LRRFIP2: variants seen among roughly 807,000 people sequenced by gnomAD.
LRRFIP2 encodes the protein leucine-rich repeat flightless-interacting protein 2.
A neutral mutation model predicts 125.9 loss-of-function variants in LRRFIP2; 109 were observed. The observed-to-expected ratio is 0.87, with a 90% CI of 0.74 to 1.01. LRRFIP2 has a LOEUF of 1.01. Among genes scored for constraint, LRRFIP2 ranks in the 50% least tolerant of loss-of-function variants. LRRFIP2 has a pLI of 0.00. For missense variants in LRRFIP2, 850 were observed against 862.3 expected (o/e 0.99, Z 0.18); for synonymous variants, 291 against 293.1 (o/e 0.99, Z 0.07).
At chr3:37,158,981 C>A (rs2096268601) in intron 1 of LRRFIP2, among the ~76,000 whole-genome samples, 1 of 152,112 alleles carries the variant, frequency 6.6e-6, no homozygotes, top group African/African-American at 2.4e-5. Context: ...CTCTGAAGCA[C>A]AAAAGTTTTT....
rs984879027 is a variant in LRRFIP2 at position 37,054,022 on chromosome 3, A to G, written c.2056-61T>C. 1.8e-5 allele frequency: 18 copies of G among 988,620 alleles called. No individual in the cohort carries two copies. The South Asian group carries it at 1.9e-4, about 11-fold the overall frequency. 61.2% of individuals were successfully genotyped at this position (988,620 alleles called of 1,614,324 possible). On this transcript the variant is annotated intron_variant, in intron 27 of 27. Coordinates refer to ENST00000336686, the MANE Select transcript of LRRFIP2 (RefSeq NM_006309.4). ...CAGAAACAACATCCAGTGCTACTCTATTTTCAACTTCCTGGGAAATGAAAG... is the reference window on the plus strand; with the variant it reads ...CAGAAACAACATCCAGTGCTACTCTGTTTTCAACTTCCTGGGAAATGAAAG...
intron 1 of LRRFIP2, among the ~76,000 whole-genome samples, chr3:37,166,668 G>A (rs1014700071): frequency 1.3e-5 from 2 of 151,680 alleles, no homozygotes; most frequent in Non-Finnish European, 2.9e-5. Context: ...GACCAGCCTG[G>A]ACGTTGCTTG....
rs2090954364 is a variant in LRRFIP2, at chr3:37,070,342, G to C, written c.1464+2448C>G. Among the ~76,000 whole-genome samples, 3 of 151,442 alleles carry C rather than the reference G, an allele frequency of 2.0e-5. No individual in the cohort carries two copies. In the South Asian group the frequency reaches 6.3e-4, roughly 32 times the overall value. On this transcript the variant is annotated intron_variant, in intron 21 of 27. Transcript: ENST00000336686. The stretch of plus-strand genomic sequence containing the variant: ...TTGGTCAGGCTGGTCTCGAACTCTT[G>C]ACCTCAAGGGATCCACCCTCTTTGG...
At position 37,121,653 on chromosome 3, in the gene LRRFIP2, A is replaced by T; in HGVS notation, c.267T>A (p.Ser89Arg). 6.2e-7 allele frequency: 1 copy of T among 1,614,212 alleles called. No homozygotes were observed. Among genetic ancestry groups the T allele is most frequent in the Non-Finnish European group, 8.5e-7 (1 of 1,180,030 alleles). ...SERARYSHRSSHHRPYLGVED... is the reference protein window; with the variant it reads ...SERARYSHRSRHHRPYLGVED... ...TACAAACCAGATAAGGACGATGGTG[A>T]CTGGACCGGTGGGAATACCTGGCCC... Residue 89 changes from serine to arginine, a missense_variant, in exon 5 of 28, where the codon AGT becomes AGA. Ser to Arg is a moderately radical substitution (Grantham distance 110, BLOSUM62 -1). Coordinates refer to ENST00000336686, the MANE Select transcript of LRRFIP2 (RefSeq NM_006309.4).
intron 27 of LRRFIP2, 87 bp from the exon 28 acceptor site, chr3:37,054,048 CA>C: frequency 1.2e-6 from 1 of 841,826 alleles, no homozygotes; most frequent in Non-Finnish European, 2.1e-6. Context: ...GAAATGAAAG[CA>C]CTGCTAACTG....
intron 18 of LRRFIP2, 129 bp from the exon 19 acceptor site, chr3:37,083,935 A>C (rs2092840688): frequency 1.5e-6 from 1 of 646,976 alleles, no homozygotes; most frequent in South Asian, 2.2e-5. Flanking sequence ...CGGTTTGGGG[A>C]ACTCCTTGTT....
chr3:37,109,835 G>A, intron 9 of LRRFIP2, 132 bp from the exon 10 acceptor site: 1 of 715,578 alleles, frequency 1.4e-6, no homozygotes, highest in East Asian at 2.7e-5. Context: ...GAGTGCTTAA[G>A]GTAGTTAAGA....
rs1275145908 is a variant in LRRFIP2 at position 37,053,561 on chromosome 3, G to A, written c.*290C>T. The A allele has an allele frequency of 9.0e-6, 3 of 334,052 alleles. No homozygotes were observed. Among genetic ancestry groups the A allele is most frequent in the African/African-American group, 4.3e-5 (2 of 46,624 alleles). 20.7% of individuals were successfully genotyped at this position (334,052 alleles called of 1,614,324 possible). On this transcript the variant is annotated 3_prime_UTR_variant, in exon 28 of 28. Transcript: ENST00000336686. ...CAAGGCCTCCGAGTGCCCAGTTACT[G>A]AGGCAGCTGGGGAAAAACGTTGAGT...
intron 1 of LRRFIP2, among the ~76,000 whole-genome samples, chr3:37,156,587 T>C (rs1306116843): frequency 8.1e-5 from 11 of 135,248 alleles, no homozygotes; most frequent in East Asian, 2.3e-4. Flanking sequence ...GGCAGGAGAA[T>C]GGCGTGAACC....
chr3:37,147,135 T>C (rs1420661793), intron 2 of LRRFIP2, among the ~76,000 whole-genome samples: 2 of 151,928 alleles, frequency 1.3e-5, no homozygotes, highest in South Asian at 2.1e-4. Flanking sequence ...ATTAGAGAAA[T>C]GCAAATCAAA....
At position 37,053,033 on chromosome 3, in the gene LRRFIP2, G is replaced by A. The variant is rs1261797498; in HGVS notation, c.*818C>T. The A allele has an allele frequency of 6.6e-6, 1 of 152,552 alleles. No individual in the cohort carries two copies. Among genetic ancestry groups the A allele is most frequent in the Non-Finnish European group, 1.5e-5 (1 of 68,028 alleles). The allele number at this position is 152,552 out of a possible 1,614,324, so 9.4% of individuals were successfully genotyped here. A position where few individuals can be genotyped will look rare whatever the true frequency, so the allele number is the denominator to read the frequency against. ...GGTTGGCAAAAGGGTGTATTTAATAGAATCTGCAGGCAGATTTCCAATCTG... is the reference window on the plus strand; with the variant it reads ...GGTTGGCAAAAGGGTGTATTTAATAAAATCTGCAGGCAGATTTCCAATCTG... On this transcript the variant is annotated 3_prime_UTR_variant, in exon 28 of 28. Transcript: ENST00000336686.
intron 18 of LRRFIP2, among the ~76,000 whole-genome samples, chr3:37,089,241 A>G (rs2093287383): frequency 6.6e-6 from 1 of 152,294 alleles, no homozygotes; most frequent in East Asian, 1.9e-4. Flanking sequence ...CATGAAATAG[A>G]TCACCTAAAT....
Position 37,083,641 on chromosome 3 carries a change from A to T in LRRFIP2, c.1273T>A (p.Ser425Thr). ...AEFYRENEEKSKELERQKHMC... is the reference protein window; with the variant it reads ...AEFYRENEEKTKELERQKHMC... ...AAATACAAGATAAGCATTACCTTTG[A>T]TTTTTCTTCATTTTCTCTATAAAAT... The change falls in exon 19 of 28, where the codon TCA (serine) becomes ACA (threonine). Residue 425 changes from serine (S) to threonine (T), a missense_variant. Coordinates refer to ENST00000336686, the MANE Select transcript of LRRFIP2 (RefSeq NM_006309.4). 6.4e-7 allele frequency: 1 copy of T among 1,556,248 alleles called. No individual in the cohort carries two copies. The highest frequency in any genetic ancestry group is 8.6e-7 in the Non-Finnish European group (1 of 1,160,448).
At chr3:37,097,432 T>A (rs1175785026) in intron 15 of LRRFIP2, among the ~76,000 whole-genome samples, 1 of 152,176 alleles carries the variant, frequency 6.6e-6, no homozygotes, top group Non-Finnish European at 1.5e-5. Context: ...ACTACGGTAT[T>A]TATCCATTTA....
intron 24 of LRRFIP2, among the ~76,000 whole-genome samples, chr3:37,062,482 G>T (rs1044087992): frequency 8.5e-5 from 13 of 152,174 alleles, no homozygotes; most frequent in Middle Eastern, 3.4e-3. Flanking sequence ...GAATTGACAG[G>T]GGCCCAGCAT....
intron 1 of LRRFIP2, among the ~76,000 whole-genome samples, chr3:37,173,291 C>T (rs2096611303): frequency 6.6e-6 from 1 of 152,090 alleles, no homozygotes; most frequent in Non-Finnish European, 1.5e-5. Flanking sequence ...TCAGGGCTCA[C>T]TGCAGAACTC....
At chr3:37,103,828 A>G (rs1439231328) in intron 14 of LRRFIP2, among the ~76,000 whole-genome samples, 1 of 152,210 alleles carries the variant, frequency 6.6e-6, no homozygotes, top group Non-Finnish European at 1.5e-5. Context: ...ACGAGGATAT[A>G]AATTCCATAA....
intron 14 of LRRFIP2, among the ~76,000 whole-genome samples, chr3:37,103,776 C>T (rs1163062977): frequency 6.6e-6 from 1 of 152,130 alleles, no homozygotes; most frequent in Non-Finnish European, 1.5e-5. Context: ...CCTGACATTT[C>T]TTTCTTTTTG....
At chr3:37,127,800 A>G in intron 3 of LRRFIP2, 120 bp from the exon 4 acceptor site, 1 of 744,096 alleles carries the variant, frequency 1.3e-6, no homozygotes, top group East Asian at 2.7e-5. Context: ...AAAGTTACAC[A>G]TTCAAAATAC....
Sources: allele counts gnomAD v4.1 joint callset (sites outside exome capture counted in the v4.1 genomes callset), GRCh38; gene constraint gnomAD v4.1.1; transcripts MANE v1.5; gene names NCBI Gene and HGNC (gene_info 2026-07-23, HGNC 2026-07-21).